Variants in DPYD observed in about 807,000 individuals in gnomAD.
DPYD encodes dihydropyrimidine dehydrogenase, also known as dihydropyrimidine dehydrogenase [NADP(+)].
Under a neutral mutation model 116.2 loss-of-function variants are expected in DPYD, and 109 were observed. That is an observed-to-expected ratio of 0.94 (90% CI 0.80 to 1.10). DPYD has a LOEUF of 1.10. Ranked by LOEUF, DPYD falls within the 50% of genes least tolerant of loss-of-function variation. The pLI is 0.00. For missense variants in DPYD, 1,302 were observed against 1,254.5 expected (o/e 1.04, Z -0.57); for synonymous variants, 440 against 432.0 (o/e 1.02, Z -0.23).
rs542816093 is a variant in DPYD at position 97,489,909 on chromosome 1, T to C, written c.1740+25817A>G. The stretch of plus-strand genomic sequence containing the variant: ...CTTTATTAATGCTCTAGAAATAGCC[T>C]TTAACATTAATACCTATAATATTTT... On this transcript the variant is annotated intron_variant, in intron 13 of 22. Transcript: ENST00000370192. Among the ~76,000 whole-genome samples, 13 of 152,312 alleles carry C rather than the reference T, an allele frequency of 8.5e-5. No homozygotes were observed. In the South Asian group the frequency reaches 2.3e-3, roughly 27 times the overall value.
At chr1:97,393,879 A>G (rs1334083421) in intron 14 of DPYD, among the ~76,000 whole-genome samples, 1 of 152,126 alleles carries the variant, frequency 6.6e-6, no homozygotes, top group Non-Finnish European at 1.5e-5. Context: ...TGTCTTCCAC[A>G]ATGGTTGAAT....
At chr1:97,299,850 C>T (rs1666758539) in intron 18 of DPYD, among the ~76,000 whole-genome samples, 1 of 152,032 alleles carries the variant, frequency 6.6e-6, no homozygotes, top group Non-Finnish European at 1.5e-5. Flanking sequence ...GTCTCCTGCA[C>T]AGACCAACGA....
chr1:97,446,767 G>T (rs934497069), intron 14 of DPYD, among the ~76,000 whole-genome samples: 5 of 152,006 alleles, frequency 3.3e-5, no homozygotes, highest in African/African-American at 1.2e-4. Flanking sequence ...CAAAATACAT[G>T]ATTCATAAGG....
chr1:97,201,273 TCTC>T (rs558975745), intron 19 of DPYD, among the ~76,000 whole-genome samples: 3 of 152,242 alleles, frequency 2.0e-5, no homozygotes, highest in African/African-American at 7.2e-5. Context: ...AAACTAAATT[TCTC>T]CTGTTTTCGG....
chr1:97,876,308 A>G (rs1671916559), intron 2 of DPYD, among the ~76,000 whole-genome samples: 3 of 151,954 alleles, frequency 2.0e-5, no homozygotes, highest in Admixed American at 6.6e-5. Context: ...TGGAGACACT[A>G]CTGGGTCTTG....
chr1:97,294,280 CCTT>C (rs1233881574), intron 18 of DPYD, among the ~76,000 whole-genome samples: 9 of 152,090 alleles, frequency 5.9e-5, no homozygotes, highest in African/African-American at 2.2e-4. Context: ...GACAGTTTAA[CCTT>C]CTTGTTTATT....
At chr1:97,689,276 G>T (rs1233994506) in intron 7 of DPYD, among the ~76,000 whole-genome samples, 1 of 151,944 alleles carries the variant, frequency 6.6e-6, no homozygotes, top group Non-Finnish European at 1.5e-5. Flanking sequence ...AGATAGTTGG[G>T]AGTGAAGATA....
chr1:97,389,805 T>C lies in DPYD; in HGVS notation c.1906-7344A>G, dbSNP rs12082644. 4.0e-3 allele frequency among the ~76,000 whole-genome samples: 607 copies of C among 152,020 alleles called. 5 individuals are homozygous for C. The highest frequency in any genetic ancestry group is 0.014 in the African/African-American group (574 of 41,496). ...TAATTTACTAATCAAATTTTGCATA[T>C]TTCTTTCTCTCTAAAAGGTATCTCA... On this transcript the variant is annotated intron_variant, in intron 14 of 22. Coordinates refer to ENST00000370192, the MANE Select transcript of DPYD (RefSeq NM_000110.4).
chr1:97,310,997 A>G (rs1215690953), intron 16 of DPYD, among the ~76,000 whole-genome samples: 1 of 151,788 alleles, frequency 6.6e-6, no homozygotes, highest in African/African-American at 2.4e-5. Context: ...AGTAGACATT[A>G]TATGCATACA....
intron 11 of DPYD, among the ~76,000 whole-genome samples, chr1:97,568,932 A>C (rs2102164365): frequency 8.9e-6 from 1 of 112,218 alleles, no homozygotes; most frequent in South Asian, 4.0e-4. Flanking sequence ...TAGATTCCGG[A>C]AGATCACAGA....
chr1:97,696,550 T>G (rs1661317611), intron 6 of DPYD, among the ~76,000 whole-genome samples: 1 of 152,104 alleles, frequency 6.6e-6, no homozygotes, highest in African/African-American at 2.4e-5. Flanking sequence ...CCAAGTTTGT[T>G]GTGCTTAGGA....
chr1:97,239,945 T>C (rs1662214788), intron 18 of DPYD, among the ~76,000 whole-genome samples: 1 of 152,124 alleles, frequency 6.6e-6, no homozygotes, highest in Non-Finnish European at 1.5e-5. Flanking sequence ...TAATTTGTAC[T>C]GCCCTCAAGG....
intron 10 of DPYD, among the ~76,000 whole-genome samples, chr1:97,587,591 C>T (rs1048706778): frequency 1.3e-5 from 2 of 152,038 alleles, no homozygotes; most frequent in South Asian, 2.1e-4. Flanking sequence ...TTTGGGAGGC[C>T]GAGGAGGGCG....
At chr1:97,097,712 C>T (rs1015233259) in intron 21 of DPYD, among the ~76,000 whole-genome samples, 1 of 152,062 alleles carries the variant, frequency 6.6e-6, no homozygotes, top group African/African-American at 2.4e-5. Context: ...ACATGAACCT[C>T]CATACATGAC....
intron 18 of DPYD, among the ~76,000 whole-genome samples, chr1:97,251,973 C>T (rs1031378917): frequency 1.1e-4 from 16 of 152,076 alleles, no homozygotes; most frequent in Non-Finnish European, 2.1e-4. Context: ...GCACTTTATG[C>T]CCAAATTGGT....
chr1:97,195,668 A>G (rs1421164992), intron 19 of DPYD, among the ~76,000 whole-genome samples: 19 of 53,050 alleles, frequency 3.6e-4, no homozygotes, highest in East Asian at 8.0e-4. Flanking sequence ...ATATATATAT[A>G]TATATATATA....
At chr1:97,713,453 A>G (rs1318797404) in intron 5 of DPYD, among the ~76,000 whole-genome samples, 2 of 152,170 alleles carry the variant, frequency 1.3e-5, no homozygotes, top group Non-Finnish European at 1.5e-5. Flanking sequence ...AACAAACTAA[A>G]ATATTGTAAT....
chr1:97,339,741 A>G (rs1393441751), intron 16 of DPYD, among the ~76,000 whole-genome samples: 1 of 152,204 alleles, frequency 6.6e-6, no homozygotes, highest in Non-Finnish European at 1.5e-5. Context: ...AACTTGTTTT[A>G]GTTTATGTGA....
At chr1:97,832,933 A>C (rs1669605146) in intron 2 of DPYD, among the ~76,000 whole-genome samples, 1 of 80 alleles carries the variant, frequency 0.013, no homozygotes, top group African/African-American at 0.05. Flanking sequence ...AATTATACCA[A>C]AAAAAATCAC....
Sources: allele counts gnomAD v4.1 joint callset (sites outside exome capture counted in the v4.1 genomes callset), GRCh38; gene constraint gnomAD v4.1.1; transcripts MANE v1.5; gene names NCBI Gene and HGNC (gene_info 2026-07-23, HGNC 2026-07-21).